Variants in CLASP1 observed in about 807,000 individuals in gnomAD.
CLASP1 encodes the protein CLIP-associating protein 1.
In CLASP1, 38 loss-of-function variants were observed where a neutral mutation model predicts 192.3. The observed-to-expected ratio is 0.20, with a 90% CI of 0.15 to 0.26. The LOEUF is 0.26. CLASP1 is among the 10% of genes least tolerant of loss of function. The probability of loss-of-function intolerance (pLI) is 1.00; values close to 1 mark genes in which losing one functional copy is unlikely to be tolerated. For missense variants in CLASP1, 1,433 were observed against 1,932.5 expected (o/e 0.74, Z 4.85); for synonymous variants, 691 against 712.8 (o/e 0.97, Z 0.49).
intron 2 of CLASP1, chr2:121,530,755 C>A: frequency 3.8e-6 from 2 of 527,214 alleles, no homozygotes. Flanking sequence ...GGGGTGTCGT[C>A]GAAAGCTGTG....
chr2:121,504,358 T>A (rs1304505427), intron 7 of CLASP1, among the ~76,000 whole-genome samples: 1 of 152,172 alleles, frequency 6.6e-6, no homozygotes, highest in Non-Finnish European at 1.5e-5. Context: ...TAACACACCA[T>A]CCTATCCTGC....
chr2:121,585,485 G>A (rs1227539806), intron 2 of CLASP1, among the ~76,000 whole-genome samples: 1 of 152,084 alleles, frequency 6.6e-6, no homozygotes, highest in East Asian at 1.9e-4. Context: ...CTTTGCCAGC[G>A]TTCCCATTTC....
At chr2:121,408,449 C>T (rs1018704030) in intron 24 of CLASP1, among the ~76,000 whole-genome samples, 8 of 152,196 alleles carry the variant, frequency 5.3e-5, no homozygotes, top group Non-Finnish European at 1.2e-4. Context: ...GAATACAAAA[C>T]TGTTATACCC....
At chr2:121,381,239 TC>T (rs1479570661) in intron 33 of CLASP1, among the ~76,000 whole-genome samples, 1 of 152,158 alleles carries the variant, frequency 6.6e-6, no homozygotes, top group East Asian at 1.9e-4. Flanking sequence ...TTATTTGTAT[TC>T]CACAAAAGTC....
chr2:121,606,742 C>T (rs943742908), intron 1 of CLASP1, among the ~76,000 whole-genome samples: 1 of 152,176 alleles, frequency 6.6e-6, no homozygotes, highest in Non-Finnish European at 1.5e-5. Context: ...CTCCTCCCTA[C>T]AACAAAGAAA....
intron 1 of CLASP1, among the ~76,000 whole-genome samples, chr2:121,610,301 GAGAGGA>G (rs2065069445): frequency 7.6e-6 from 1 of 131,476 alleles, no homozygotes; most frequent in Admixed American, 7.7e-5. Context: ...GAGGAGTTAT[GAGAGGA>G]AGAGGAACTG....
intron 1 of CLASP1, among the ~76,000 whole-genome samples, chr2:121,618,390 T>C (rs2066791519): frequency 6.6e-6 from 1 of 152,106 alleles, no homozygotes; most frequent in South Asian, 2.1e-4. Context: ...AATGTGCAAA[T>C]ACATATGGAC....
chr2:121,609,856 G>A (rs1168571311), intron 1 of CLASP1, among the ~76,000 whole-genome samples: 6 of 152,146 alleles, frequency 3.9e-5, no homozygotes, highest in Admixed American at 3.3e-4. Context: ...CAGGAGAATC[G>A]CTTGAAGCAG....
At position 121,531,057 on chromosome 2, in the gene CLASP1, A is replaced by T. The variant is rs74330734; in HGVS notation, c.196-732T>A. The T allele has an allele frequency of 3.0e-5, 21 of 696,660 alleles. No individual in the cohort carries two copies. In the East Asian group the frequency reaches 4.6e-4, roughly 15 times the overall value. 43.2% of individuals were successfully genotyped at this position (696,660 alleles called of 1,614,324 possible). ...ATCAGTTCAAACAGCAGTAATTCGT[A>T]AATAAACTAGTACTTTGTGGTTAAA... On this transcript the variant is annotated intron_variant, in intron 2 of 39. Coordinates refer to ENST00000263710, the Ensembl canonical transcript of CLASP1.
intron 7 of CLASP1, among the ~76,000 whole-genome samples, chr2:121,510,891 G>A (rs569133190): frequency 8.1e-4 from 124 of 152,188 alleles, no homozygotes; most frequent in African/African-American, 2.8e-3. Flanking sequence ...AAAAGGCCTA[G>A]TCTCCAAGAA....
In CLASP1 at chr2:121,521,576, T is replaced by C. The variant is rs542535306; in HGVS notation, c.546+4269A>G. ...TAATGATTCTGAGTTGGGCTTTCAG[T>C]TACTTGTAACCAAAAGCATCCTAGC... is the stretch of plus-strand genomic sequence containing the variant. On this transcript the variant is annotated intron_variant, in intron 6 of 39. Coordinates refer to ENST00000263710, the Ensembl canonical transcript of CLASP1. 7.9e-5 allele frequency among the ~76,000 whole-genome samples: 12 copies of C among 152,352 alleles called. No homozygotes were observed. In the South Asian group the frequency reaches 2.5e-3, roughly 32 times the overall value.
chr2:121,610,323 GGAGGAGTTATAGGAGGAA>G (rs2065077153), intron 1 of CLASP1, among the ~76,000 whole-genome samples: 1 of 151,606 alleles, frequency 6.6e-6, no homozygotes. Context: ...AACTGGAGGA[GGAGGAGTTATAGGAGGAA>G]GAGGAGCTGG....
At chr2:121,396,655 A>G (rs1224953361) in intron 30 of CLASP1, among the ~76,000 whole-genome samples, 2 of 152,244 alleles carry the variant, frequency 1.3e-5, no homozygotes, top group African/African-American at 4.8e-5. Context: ...GCAATACTTA[A>G]GTAACATTCC....
At chr2:121,578,265 G>C (rs12711554) in intron 2 of CLASP1, among the ~76,000 whole-genome samples, 17,920 of 150,664 alleles carry the variant, frequency 0.12, 1,383 homozygotes, top group African/African-American at 0.21. Context: ...AAGAAACAAA[G>C]AAACAAACAA....
intron 22 of CLASP1, among the ~76,000 whole-genome samples, chr2:121,419,056 T>C (rs1021181024): frequency 3.9e-5 from 6 of 152,232 alleles, no homozygotes; most frequent in African/African-American, 9.6e-5. Flanking sequence ...AAAAGCCTTT[T>C]AGAAACGATC....
At chr2:121,407,448 C>T (rs767613931) in intron 25 of CLASP1, 23 bp downstream of exon 26, 4 of 1,612,680 alleles carry the variant, frequency 2.5e-6, no homozygotes, top group Non-Finnish European at 3.4e-6. Context: ...AAACTTAGCT[C>T]ATATTCTTGC....
chr2:121,357,651 C>A (rs1299684342), intron 37 of CLASP1, among the ~76,000 whole-genome samples: 1 of 152,220 alleles, frequency 6.6e-6, no homozygotes, highest in Admixed American at 6.5e-5. Context: ...TACTCCCCTA[C>A]CTATGAATAA....
chr2:121,646,211 CAGG>C (rs1238949983), intron 1 of CLASP1, among the ~76,000 whole-genome samples: 1 of 152,156 alleles, frequency 6.6e-6, no homozygotes, highest in African/African-American at 2.4e-5. Flanking sequence ...CTCCCAGACT[CAGG>C]AGATCCTCCC....
At position 121,633,028 on chromosome 2, in the gene CLASP1, A is replaced by ATATATATATATATATATG. The variant is rs71398039; in HGVS notation, c.-286+16343_-286+16344insCATATATATATATATATA. On this transcript the variant is annotated intron_variant, in intron 1 of 39. Transcript: ENST00000263710. ...TGTGCATATATATATATATATATAT[A>ATATATATATATATATATG]GGCTTTTTTTCATGAATATAATTAA... Among the ~76,000 whole-genome samples, 244 of 137,510 alleles carry ATATATATATATATATATG rather than the reference A, an allele frequency of 1.8e-3. 8 individuals are homozygous for ATATATATATATATATATG. Among genetic ancestry groups the ATATATATATATATATATG allele is most frequent in the African/African-American group, 5.3e-3 (180 of 34,248 alleles). The allele number at this position is 137,510 out of a possible 152,430, so 90.2% of individuals were successfully genotyped here. A position where few individuals can be genotyped will look rare whatever the true frequency, so the allele number is the denominator to read the frequency against.
Sources: gnomAD v4.1 joint callset for allele counts (sites outside exome capture counted in the v4.1 genomes callset) on GRCh38, gnomAD v4.1.1 for gene constraint, MANE v1.5 for transcripts, NCBI Gene and HGNC (gene_info 2026-07-23, HGNC 2026-07-21) for gene names.